Variants in GPHN observed in about 807,000 individuals in gnomAD.
GPHN encodes the protein gephyrin.
A neutral mutation model predicts 95.5 loss-of-function variants in GPHN; 17 were observed. That is an observed-to-expected ratio of 0.18 (90% CI 0.12 to 0.27). The LOEUF (loss-of-function observed/expected upper bound fraction) is 0.27. GPHN is among the 10% of genes least tolerant of loss of function. The probability of loss-of-function intolerance (pLI) is 1.00; values close to 1 mark genes in which losing one functional copy is unlikely to be tolerated. For missense variants in GPHN, 660 were observed against 978.1 expected, an observed-to-expected ratio of 0.67 and a Z score of 4.34; for synonymous variants, 320 against 322.5, an observed-to-expected ratio of 0.99 and a Z score of 0.08.
the GPHN span, among the ~76,000 whole-genome samples, chr14:67,401,787 T>C: frequency 6.6e-6 from 1 of 151,992 alleles, no homozygotes; most frequent in Non-Finnish European, 1.5e-5. Flanking sequence ...AGGAGACTAG[T>C]GATATAAGAG....
chr14:66,683,902 A>T (rs550875659), intron 2 of GPHN, among the ~76,000 whole-genome samples: 1 of 151,414 alleles, frequency 6.6e-6, no homozygotes, highest in South Asian at 2.1e-4. Flanking sequence ...GCATGAACCC[A>T]GAGGCAGAGC....
chr14:66,596,962 G>A (rs750676858), intron 1 of GPHN, among the ~76,000 whole-genome samples: 5 of 152,172 alleles, frequency 3.3e-5, no homozygotes, highest in Non-Finnish European at 7.3e-5. Flanking sequence ...ACAGGCTGCC[G>A]CTGCCTTCAG....
intron 1 of GPHN, among the ~76,000 whole-genome samples, chr14:66,645,457 C>CATCT (rs1450935345): frequency 3.3e-5 from 5 of 151,890 alleles, no homozygotes; most frequent in Admixed American, 3.3e-4. Flanking sequence ...GAGGCTGAGG[C>CATCT]AGATGTATTA....
At chr14:66,676,333 A>G (rs565778894) in intron 1 of GPHN, among the ~76,000 whole-genome samples, 1 of 152,250 alleles carries the variant, frequency 6.6e-6, no homozygotes, top group East Asian at 1.9e-4. Flanking sequence ...CTTACAAGGA[A>G]TTCCAGTTCT....
intron 8 of GPHN, among the ~76,000 whole-genome samples, chr14:66,946,627 A>T (rs776413229): frequency 6.6e-6 from 1 of 151,856 alleles, no homozygotes; most frequent in African/African-American, 2.4e-5. Context: ...CTGGTCTCGA[A>T]CTCCTGACCT....
chr14:67,381,063 A>C, the GPHN span, among the ~76,000 whole-genome samples: 1 of 152,204 alleles, frequency 6.6e-6, no homozygotes, highest in South Asian at 2.1e-4. Flanking sequence ...AAATTTTTAC[A>C]AAGATGAGAC....
chr14:67,203,058 C>T, the GPHN span: 1 of 1,593,108 alleles, frequency 6.3e-7, no homozygotes, highest in Non-Finnish European at 8.5e-7. Context: ...CCACACATTT[C>T]ATCATATAAC....
At chr14:67,665,326 C>T in the GPHN span, among the ~76,000 whole-genome samples, 1 of 146,640 alleles carries the variant, frequency 6.8e-6, no homozygotes, top group East Asian at 2.0e-4. Context: ...TTACGGCTCA[C>T]TGCAGCCTCG....
chr14:67,587,708 C>T, the GPHN span: 12 of 164,214 alleles, frequency 7.3e-5, no homozygotes, highest in Non-Finnish European at 1.2e-4. Context: ...CCACCATGCC[C>T]GGCTAATTTT....
chr14:67,227,508 A>G, the GPHN span: 1 of 151,830 alleles, frequency 6.6e-6, no homozygotes, highest in East Asian at 1.9e-4. Flanking sequence ...TTGCTGATAT[A>G]TGGGAAAAGG....
At chr14:66,563,027 C>T (rs572526544) in intron 1 of GPHN, among the ~76,000 whole-genome samples, 4 of 152,064 alleles carry the variant, frequency 2.6e-5, no homozygotes, top group South Asian at 2.1e-4. Context: ...ATTAGGACAT[C>T]GACAGCTTTC....
intron 10 of GPHN, among the ~76,000 whole-genome samples, chr14:67,056,811 T>TGGG (rs113249755): frequency 1.4e-4 from 15 of 103,870 alleles, no homozygotes; most frequent in African/African-American, 4.8e-4. Context: ...ACAGTGGGGG[T>TGGG]GGGGGGGGGT....
intron 2 of GPHN, among the ~76,000 whole-genome samples, chr14:66,705,693 A>T (rs1595623947): frequency 6.6e-6 from 1 of 152,200 alleles, no homozygotes; most frequent in Admixed American, 6.5e-5. Context: ...TTTATGACAG[A>T]CCCACAGCCA....
intron 2 of GPHN, among the ~76,000 whole-genome samples, chr14:66,683,901 C>CA (rs2067166143): frequency 6.6e-6 from 1 of 150,906 alleles, no homozygotes; most frequent in African/African-American, 2.4e-5. Context: ...GGCATGAACC[C>CA]AGAGGCAGAG....
At chr14:66,635,943 C>T (rs544064846) in intron 1 of GPHN, among the ~76,000 whole-genome samples, 1 of 151,800 alleles carries the variant, frequency 6.6e-6, no homozygotes, top group Non-Finnish European at 1.5e-5. Flanking sequence ...TCGAGACCAT[C>T]CTGGCTAACA....
chr14:67,664,498 A>ATTTTTTTTTTTTTT, the GPHN span, among the ~76,000 whole-genome samples: 1 of 147,072 alleles, frequency 6.8e-6, no homozygotes, highest in Non-Finnish European at 1.5e-5. Flanking sequence ...CTAAAGAGCA[A>ATTTTTTTTTTTTTT]TTTTTTTTTT....
chr14:66,579,626 T>C (rs1296793853), intron 1 of GPHN, among the ~76,000 whole-genome samples: 1 of 151,756 alleles, frequency 6.6e-6, no homozygotes, highest in Non-Finnish European at 1.5e-5. Flanking sequence ...TATATAATGA[T>C]AAAAGTGTTG....
At chr14:67,070,472 C>T (rs138112878) in intron 11 of GPHN, among the ~76,000 whole-genome samples, 2,875 of 149,492 alleles carry the variant, frequency 0.019, 37 homozygotes, top group Middle Eastern at 0.028. Flanking sequence ...CCGAGGTGGG[C>T]GGGTCACAAG....
At chr14:66,778,962 T>A (rs1210420875) in intron 3 of GPHN, among the ~76,000 whole-genome samples, 5 of 151,980 alleles carry the variant, frequency 3.3e-5, no homozygotes, top group African/African-American at 1.2e-4. Flanking sequence ...CAGGCTGGTC[T>A]TGAACCCCTG....
Sources: gnomAD v4.1 joint callset for allele counts (sites outside exome capture counted in the v4.1 genomes callset) on GRCh38, gnomAD v4.1.1 for gene constraint, MANE v1.5 for transcripts, NCBI Gene and HGNC (gene_info 2026-07-23, HGNC 2026-07-21) for gene names.